Variants in GRID1 observed in about 807,000 individuals in gnomAD.
GRID1 encodes the protein glutamate ionotropic receptor delta type subunit 1, also known as glutamate receptor ionotropic, delta-1.
GRID1 carries 28 observed loss-of-function variants against 98.0 expected under a neutral mutation model. That is an observed-to-expected ratio of 0.29 (90% confidence interval 0.21 to 0.39). The LOEUF (loss-of-function observed/expected upper bound fraction) is 0.39, where lower values mean the gene tolerates loss of function less well. Ranked by LOEUF, GRID1 falls within the 10% of genes least tolerant of loss-of-function variation. The probability of loss-of-function intolerance (pLI) is 1.00; values close to 1 mark genes in which losing one functional copy is unlikely to be tolerated. For missense variants in GRID1, 1,111 were observed against 1,340.5 expected (o/e 0.83, Z 2.67); for synonymous variants, 553 against 538.5 (o/e 1.03, Z -0.37).
intron 4 of GRID1, among the ~76,000 whole-genome samples, chr10:86,060,232 C>G (rs1843630475): frequency 6.6e-6 from 1 of 152,242 alleles, no homozygotes; most frequent in African/African-American, 2.4e-5. Flanking sequence ...TAAAGTCTTT[C>G]ATCTGCTTCC....
intron 4 of GRID1, among the ~76,000 whole-genome samples, chr10:85,934,413 GACACACACACACAC>G (rs5786728): frequency 3.1e-4 from 44 of 141,504 alleles, no homozygotes; most frequent in African/African-American, 7.3e-4. Context: ...GCAGAGATTG[GACACACACACACAC>G]ACACACACAC....
At chr10:86,200,890 C>T (rs1845942059) in intron 3 of GRID1, among the ~76,000 whole-genome samples, 1 of 152,268 alleles carries the variant, frequency 6.6e-6, no homozygotes, top group Non-Finnish European at 1.5e-5. Context: ...TTACATTTTA[C>T]ACTAGAAACC....
chr10:85,669,783 C>A (rs1471812661), intron 12 of GRID1, among the ~76,000 whole-genome samples: 1 of 152,180 alleles, frequency 6.6e-6, no homozygotes, highest in African/African-American at 2.4e-5. Context: ...TAATTCCATG[C>A]AGTAACTTAG....
At chr10:86,228,360 G>A (rs140556517) in intron 2 of GRID1, among the ~76,000 whole-genome samples, 246 of 151,930 alleles carry the variant, frequency 1.6e-3, no homozygotes, top group Non-Finnish European at 3.0e-3. Context: ...GAGGAAGTCT[G>A]ACCTTGCTCT....
rs146402367 is a variant in GRID1 at position 85,723,066 on chromosome 10, C to A, written c.1934G>T (p.Cys645Phe). Residue 645 changes from cysteine (C) to phenylalanine (F), a missense_variant, in exon 12 of 16, where the codon TGC (cysteine) becomes TTC (phenylalanine). Physicochemically the swap from Cys to Phe is radical, Grantham distance 205. Transcript: ENST00000327946. ...GSWWLFTLIV[C>F]SSYTANLAAF... The stretch of plus-strand genomic sequence containing the variant: ...AGCAAGGTTGGCTGTGTAGGAGGAG[C>A]ACACAATGAGCGTGAAGAGCCACCA... The A allele has an allele frequency of 2.5e-5, 41 of 1,612,604 alleles. No individual in the cohort carries two copies. Among genetic ancestry groups the A allele is most frequent in the African/African-American group, 5.3e-5 (4 of 74,922 alleles).
intron 4 of GRID1, among the ~76,000 whole-genome samples, chr10:86,089,428 C>T (rs1014880115): frequency 1.3e-5 from 2 of 152,170 alleles, no homozygotes; most frequent in African/African-American, 2.4e-5. Context: ...GCAACCCCCT[C>T]ACCAGAGTAG....
chr10:85,876,795 G>A (rs952516177), intron 5 of GRID1, among the ~76,000 whole-genome samples: 9 of 152,224 alleles, frequency 5.9e-5, no homozygotes, highest in African/African-American at 2.2e-4. Context: ...CCAGCCGAAG[G>A]AGGGCGAGGC....
chr10:85,944,910 T>C (rs1564632526), intron 4 of GRID1, among the ~76,000 whole-genome samples: 1 of 152,256 alleles, frequency 6.6e-6, no homozygotes, highest in Non-Finnish European at 1.5e-5. Context: ...ATATGCGTTT[T>C]TGCAGAATAT....
At chr10:85,836,454 C>T (rs924362772) in intron 8 of GRID1, among the ~76,000 whole-genome samples, 3 of 152,150 alleles carry the variant, frequency 2.0e-5, no homozygotes, top group Admixed American at 6.5e-5. Flanking sequence ...TTTTGACCTA[C>T]AACAGCTCTA....
intron 4 of GRID1, among the ~76,000 whole-genome samples, chr10:85,950,400 T>C (rs1041249258): frequency 2.6e-4 from 39 of 152,304 alleles, no homozygotes; most frequent in African/African-American, 8.7e-4. Flanking sequence ...CTCAGTGTAA[T>C]CACAAATGTA....
intron 4 of GRID1, among the ~76,000 whole-genome samples, chr10:86,136,957 A>C (rs1301926028): frequency 6.6e-6 from 1 of 152,128 alleles, no homozygotes; most frequent in Non-Finnish European, 1.5e-5. Context: ...ACCTAAAATA[A>C]AAGTTGAAAT....
At chr10:85,821,534 A>AGCAAAC (rs1564600848) in intron 8 of GRID1, among the ~76,000 whole-genome samples, 1 of 143,288 alleles carries the variant, frequency 7.0e-6, no homozygotes, top group African/African-American at 2.6e-5. Context: ...AAAAAAAAAA[A>AGCAAAC]AAAAAAAAAA....
chr10:86,250,820 G>A lies in GRID1; in HGVS notation c.236-44172C>T, dbSNP rs1396183079. On this transcript the variant is annotated intron_variant, in intron 2 of 15. Coordinates refer to ENST00000327946, the MANE Select transcript of GRID1 (RefSeq NM_017551.3). ...TGGGAGGTGGGGGGCCCCTCTGCCCGGCCACCACCCTGTCTGGGAGGTGTA... is the reference window on the plus strand; with the variant it reads ...TGGGAGGTGGGGGGCCCCTCTGCCCAGCCACCACCCTGTCTGGGAGGTGTA... Among the ~76,000 whole-genome samples the A allele has an allele frequency of 1.4e-4, 21 of 152,228 alleles. No individual in the cohort carries two copies. In the East Asian group the frequency reaches 3.3e-3, roughly 24 times the overall value.
intron 8 of GRID1, among the ~76,000 whole-genome samples, chr10:85,762,205 T>C (rs1374453999): frequency 2.0e-5 from 3 of 152,202 alleles, no homozygotes; most frequent in South Asian, 2.1e-4. Flanking sequence ...GTGTGCACAG[T>C]GATGTCGATG....
At chr10:85,647,004 T>C (rs1011690927) in intron 13 of GRID1, 198 bp downstream of exon 13, 4 of 616,256 alleles carry the variant, frequency 6.5e-6, no homozygotes, top group Non-Finnish European at 8.7e-6. Flanking sequence ...AGCACCACTC[T>C]ACAAAGTTGG....
chr10:85,878,227 A>G (rs10887534), intron 5 of GRID1, among the ~76,000 whole-genome samples: 2 of 151,828 alleles, frequency 1.3e-5, no homozygotes, highest in Non-Finnish European at 2.9e-5. Flanking sequence ...CTTCCCCAAT[A>G]TAGCAAGGCA....
chr10:86,212,245 G>A (rs1362239010), intron 2 of GRID1, among the ~76,000 whole-genome samples: 1 of 152,194 alleles, frequency 6.6e-6, no homozygotes, highest in Admixed American at 6.5e-5. Context: ...CCTCTGTCAG[G>A]TGCCCTGGAG....
At chr10:85,976,955 A>G (rs1842480541) in intron 4 of GRID1, among the ~76,000 whole-genome samples, 1 of 152,210 alleles carries the variant, frequency 6.6e-6, no homozygotes, top group Non-Finnish European at 1.5e-5. Flanking sequence ...CCTGCTCCAA[A>G]TGGAAGGCAG....
chr10:86,186,490 G>C (rs1357750711), intron 3 of GRID1, among the ~76,000 whole-genome samples: 2 of 152,002 alleles, frequency 1.3e-5, no homozygotes, highest in Non-Finnish European at 2.9e-5. Context: ...TAGCTTCCTA[G>C]GTGGAAGCTC....
Sources: gnomAD v4.1 joint callset for allele counts (sites outside exome capture counted in the v4.1 genomes callset) on GRCh38, gnomAD v4.1.1 for gene constraint, MANE v1.5 for transcripts, NCBI Gene and HGNC (gene_info 2026-07-23, HGNC 2026-07-21) for gene names.